The following PPFIA1 variants were observed in gnomAD, a reference collection of about 807,000 sequenced individuals.
The protein encoded by PPFIA1 is PPFI scaffold protein A1, also known as liprin-alpha-1.
Under a neutral mutation model 149.9 loss-of-function variants are expected in PPFIA1, and 25 were observed. That is an observed-to-expected ratio of 0.17 (90% CI 0.12 to 0.23). The LOEUF (loss-of-function observed/expected upper bound fraction) is 0.23. PPFIA1 is among the 10% of genes least tolerant of loss of function. The pLI is 1.00. For synonymous variants in PPFIA1, 549 were observed against 552.8 expected, an observed-to-expected ratio of 0.99 and a Z score of 0.10; for missense variants, 1,362 against 1,506.5, an observed-to-expected ratio of 0.90 and a Z score of 1.59.
chr11:70,356,694 C>T (rs1161498824), intron 19 of PPFIA1, among the ~76,000 whole-genome samples: 5 of 152,182 alleles, frequency 3.3e-5, no homozygotes, highest in African/African-American at 9.7e-5. Flanking sequence ...TTAAACAGTA[C>T]CAGCAAGTCA....
chr11:70,330,437 A>C, intron 8 of PPFIA1, 118 bp downstream of exon 8: 1 of 873,942 alleles, frequency 1.1e-6, no homozygotes, highest in Admixed American at 3.5e-5. Flanking sequence ...TTATGACCTT[A>C]GAATATTATG....
chr11:70,329,885 AC>A, intron 7 of PPFIA1: 1 of 309,180 alleles, frequency 3.2e-6, no homozygotes, highest in African/African-American at 2.2e-5. Context: ...CCTTGATTGC[AC>A]CACAGCATTC....
intron 2 of PPFIA1, among the ~76,000 whole-genome samples, chr11:70,290,651 C>T (rs889470038): frequency 2.0e-5 from 3 of 152,082 alleles, no homozygotes; most frequent in Non-Finnish European, 2.9e-5. Flanking sequence ...CATTCTTATT[C>T]GGAGGAGGAA....
In PPFIA1 at chr11:70,376,615, T is replaced by G; in HGVS notation, c.3384+15T>G. 1 of 1,575,358 alleles carries G rather than the reference T, an allele frequency of 6.3e-7. No homozygotes were observed. Among genetic ancestry groups the G allele is most frequent in the Non-Finnish European group, 8.7e-7 (1 of 1,144,818 alleles). On this transcript the variant is annotated intron_variant, in intron 25 of 27. Transcript: ENST00000253925. ...GGTTTGATGAAGTAAGTTTTTGGCC[T>G]AATGTTCTTTAAATGTCTGAAATGT...
chr11:70,316,006 C>G (rs1050977559), intron 2 of PPFIA1, among the ~76,000 whole-genome samples: 1 of 152,090 alleles, frequency 6.6e-6, no homozygotes, highest in Non-Finnish European at 1.5e-5. Flanking sequence ...GCTTATTTCA[C>G]TCAGCCCAAC....
chr11:70,303,200 G>A (rs1343897523), intron 2 of PPFIA1, among the ~76,000 whole-genome samples: 2 of 152,074 alleles, frequency 1.3e-5, no homozygotes, highest in East Asian at 3.9e-4. Flanking sequence ...CCGGTCTGAC[G>A]CAGTGTCGGG....
intron 2 of PPFIA1, among the ~76,000 whole-genome samples, chr11:70,299,068 G>A (rs950831896): frequency 4.7e-4 from 71 of 152,060 alleles, no homozygotes; most frequent in Admixed American, 1.8e-3. Flanking sequence ...GCAAAACCCC[G>A]TCTCTACTAA....
chr11:70,299,215 G>A (rs954782762), intron 2 of PPFIA1, among the ~76,000 whole-genome samples: 2 of 152,122 alleles, frequency 1.3e-5, no homozygotes, highest in Non-Finnish European at 2.9e-5. Flanking sequence ...CTCCAGCCTG[G>A]GCAACAGAGT....
chr11:70,314,000 A>G (rs115947526), intron 2 of PPFIA1, among the ~76,000 whole-genome samples: 1,545 of 152,270 alleles, frequency 0.01, 27 homozygotes, highest in African/African-American at 0.035. Flanking sequence ...CCTGGATGAG[A>G]GATTGAGGTC....
chr11:70,322,130 CG>C (rs1468339198), intron 2 of PPFIA1, among the ~76,000 whole-genome samples: 1 of 152,196 alleles, frequency 6.6e-6, no homozygotes, highest in Non-Finnish European at 1.5e-5. Flanking sequence ...CTGCCTGCCT[CG>C]GCCTCCCAAA....
chr11:70,277,281 A>G (rs1050831123), intron 2 of PPFIA1, among the ~76,000 whole-genome samples: 2 of 151,660 alleles, frequency 1.3e-5, no homozygotes, highest in African/African-American at 4.8e-5. Context: ...CTCCCAAAAC[A>G]ATGGGATCCA....
Position 70,372,268 on chromosome 11 carries a change from C to T in PPFIA1, c.2919C>T (p.Pro973=), listed in dbSNP as rs2057302216. The stretch of plus-strand genomic sequence containing the variant: ...AGTGGATCGGCAACGAGTGGCTCCC[C>T]AGCCTGGGCCTCCCCCAGTACCGCA... ...NHEWIGNEWL[P]SLGLPQYRSY... Residue 973 remains proline, a synonymous_variant, in exon 22 of 28, where the codon CCC becomes CCT. Coordinates refer to ENST00000253925, the MANE Select transcript of PPFIA1 (RefSeq NM_003626.5). 2 of 1,614,230 alleles carry T rather than the reference C, an allele frequency of 1.2e-6. No individual in the cohort carries two copies. The highest frequency in any genetic ancestry group is 2.2e-5 in the East Asian group (1 of 44,888).
intron 2 of PPFIA1, among the ~76,000 whole-genome samples, chr11:70,299,768 C>A (rs547292189): frequency 6.6e-6 from 1 of 152,138 alleles, no homozygotes; most frequent in East Asian, 1.9e-4. Context: ...TTTCCTGATC[C>A]CCCTGATACA....
intron 14 of PPFIA1, chr11:70,342,071 AGG>A (rs1444755858): frequency 6.5e-6 from 1 of 152,716 alleles, no homozygotes; most frequent in Non-Finnish European, 1.5e-5. Context: ...AAAACAGTGG[AGG>A]CGTGGGTGAA....
intron 1 of PPFIA1, chr11:70,271,911 T>C: frequency 2.8e-6 from 1 of 355,078 alleles, no homozygotes. Flanking sequence ...CCCCAGGGCT[T>C]GCCCTTTTTT....
chr11:70,371,493 C>T (rs1168670071), intron 21 of PPFIA1: 1 of 161,896 alleles, frequency 6.2e-6, no homozygotes, highest in Non-Finnish European at 1.3e-5. Context: ...GTTCTATCTT[C>T]TGTTGTTGGG....
At chr11:70,365,879 A>G (rs1012190504) in intron 21 of PPFIA1, 4 of 450,296 alleles carry the variant, frequency 8.9e-6, no homozygotes, top group African/African-American at 2.0e-5. Flanking sequence ...CGTTGCCTGC[A>G]TTACCGAGCT....
In PPFIA1 at chr11:70,343,791, C is replaced by G. The variant is rs776136532; in HGVS notation, c.1830C>G (p.Leu610=). ...VSDGEDDRDT[L]LSSVDLLSPS... ...ATGGTGAAGATGACAGGGACACTCT[C>G]CTCAGCTCAGTTGACCTGCTATCGC... Residue 610 remains leucine (L), a synonymous_variant, in exon 15 of 28, where the codon CTC becomes CTG. Coordinates refer to ENST00000253925, the MANE Select transcript of PPFIA1 (RefSeq NM_003626.5). 19 of 1,614,064 alleles carry G rather than the reference C, an allele frequency of 1.2e-5. No individual in the cohort carries two copies. The Admixed American group carries it at 2.5e-4, about 21-fold the overall frequency.
At position 70,372,291 on chromosome 11, in the gene PPFIA1, G is replaced by A. The variant is rs371651040; in HGVS notation, c.2942G>A (p.Arg981His). ...CCCAGCCTGGGCCTCCCCCAGTACC[G>A]CAGCTACTTCATGGAGTGCCTTGTA... The part of the protein sequence containing the change: ...WLPSLGLPQY[R>H]SYFMECLVDA... Residue 981 changes from arginine (R) to histidine (H), a missense_variant, in exon 22 of 28, where the codon CGC becomes CAC. Coordinates refer to ENST00000253925, the MANE Select transcript of PPFIA1 (RefSeq NM_003626.5). The A allele has an allele frequency of 3.7e-6, 6 of 1,614,094 alleles. No individual in the cohort carries two copies. The highest frequency in any genetic ancestry group is 4.2e-6 in the Non-Finnish European group (5 of 1,180,052).
Sources: allele counts gnomAD v4.1 joint callset (sites outside exome capture counted in the v4.1 genomes callset), GRCh38; gene constraint gnomAD v4.1.1; transcripts MANE v1.5; gene names NCBI Gene and HGNC (gene_info 2026-07-23, HGNC 2026-07-21).